ASTN2: variants seen among roughly 807,000 people sequenced by gnomAD.
ASTN2 encodes the protein astrotactin 2, also known as astrotactin-2.
In ASTN2, 54 loss-of-function variants were observed where a neutral mutation model predicts 139.8. The ratio of observed to expected loss-of-function variants is 0.39; its 90% confidence interval spans 0.31 to 0.48. The LOEUF (loss-of-function observed/expected upper bound fraction) is 0.48, where lower values mean the gene tolerates loss of function less well. Among genes scored for constraint, ASTN2 ranks in the 20% least tolerant of loss-of-function variants. ASTN2 has a pLI of 0.95. For missense variants in ASTN2, 1,565 were observed against 1,725.1 expected, an observed-to-expected ratio of 0.91 and a Z score of 1.64; for synonymous variants, 756 against 719.5, an observed-to-expected ratio of 1.05 and a Z score of -0.81.
At chr9:117,128,959 C>A (rs557913038) in intron 4 of ASTN2, among the ~76,000 whole-genome samples, 1 of 152,298 alleles carries the variant, frequency 6.6e-6, no homozygotes, top group East Asian at 1.9e-4. Flanking sequence ...ATGGGGGAAA[C>A]TGCCCCCATG....
At chr9:116,672,683 G>A (rs1339255544) in intron 16 of ASTN2, among the ~76,000 whole-genome samples, 3 of 152,166 alleles carry the variant, frequency 2.0e-5, no homozygotes, top group Non-Finnish European at 1.5e-5. Context: ...TTTTGCAGAG[G>A]AGGGAAGGGA....
chr9:117,131,490 G>T (rs1232658378), intron 4 of ASTN2, among the ~76,000 whole-genome samples: 1 of 152,080 alleles, frequency 6.6e-6, no homozygotes, highest in African/African-American at 2.4e-5. Flanking sequence ...TCTTTTGTGG[G>T]GAAAATTTGC....
chr9:116,499,481 C>T lies in ASTN2; in HGVS notation c.3356-11981G>A, dbSNP rs12342859. Among the ~76,000 whole-genome samples, 1,280 of 152,258 alleles carry T rather than the reference C, an allele frequency of 8.4e-3. 13 individuals are homozygous for T. Among genetic ancestry groups the T allele is most frequent in the African/African-American group, 0.028 (1,167 of 41,544 alleles). ...TGCCTTCACCTGGCAAAGTTTAGGGCCCCTCAACTGAGTTCCCACAGCTCC... is the reference window on the plus strand; with the variant it reads ...TGCCTTCACCTGGCAAAGTTTAGGGTCCCTCAACTGAGTTCCCACAGCTCC... On this transcript the variant is annotated intron_variant, in intron 19 of 22. Transcript: ENST00000313400.
chr9:116,443,324 C>G (rs968642207), intron 20 of ASTN2, among the ~76,000 whole-genome samples: 1 of 152,086 alleles, frequency 6.6e-6, no homozygotes, highest in Non-Finnish European at 1.5e-5. Context: ...AAATGGGCAG[C>G]CAGTGTGGCT....
At chr9:116,870,112 A>G (rs1443464308) in intron 10 of ASTN2, among the ~76,000 whole-genome samples, 1 of 152,158 alleles carries the variant, frequency 6.6e-6, no homozygotes. Context: ...CATGTGACAC[A>G]GTGAGACCCT....
At chr9:117,125,117 GT>G (rs1829655133) in intron 4 of ASTN2, among the ~76,000 whole-genome samples, 1 of 152,192 alleles carries the variant, frequency 6.6e-6, no homozygotes, top group African/African-American at 2.4e-5. Context: ...TTCTAATGGG[GT>G]TTTATAAATA....
At position 117,020,703 on chromosome 9, in the gene ASTN2, T is replaced by A. The variant is rs570463486; in HGVS notation, c.1424-12444A>T. Among the ~76,000 whole-genome samples the A allele has an allele frequency of 1.3e-4, 20 of 152,256 alleles. No homozygotes were observed. The South Asian group carries it at 4.1e-3, about 32-fold the overall frequency. ...AGATTTAGGGCATGCTGGTGTCTCATCTACCTAGGGAGAGAGTGAGTTTTC... is the reference window on the plus strand; with the variant it reads ...AGATTTAGGGCATGCTGGTGTCTCAACTACCTAGGGAGAGAGTGAGTTTTC... On this transcript the variant is annotated intron_variant, in intron 6 of 22. Transcript: ENST00000313400.
At chr9:117,188,373 T>TTGCC (rs1831261543) in intron 3 of ASTN2, among the ~76,000 whole-genome samples, 2 of 152,168 alleles carry the variant, frequency 1.3e-5, no homozygotes, top group Non-Finnish European at 2.9e-5. Context: ...TTTTCCGAAG[T>TTGCC]TGCCTGCGTA....
chr9:116,924,661 A>G (rs998203486), intron 10 of ASTN2, among the ~76,000 whole-genome samples: 13 of 152,286 alleles, frequency 8.5e-5, no homozygotes, highest in Admixed American at 8.5e-4. Context: ...GTAAACAGTC[A>G]TGGTGCTGGT....
chr9:116,635,931 G>C (rs887066444), intron 17 of ASTN2, among the ~76,000 whole-genome samples: 2 of 152,202 alleles, frequency 1.3e-5, no homozygotes, highest in Non-Finnish European at 2.9e-5. Context: ...TGAGAACGGA[G>C]CAAGAAGTTT....
At chr9:116,769,811 G>A (rs1234680065) in intron 13 of ASTN2, among the ~76,000 whole-genome samples, 1 of 152,064 alleles carries the variant, frequency 6.6e-6, no homozygotes, top group Non-Finnish European at 1.5e-5. Context: ...TTGCAAGGTC[G>A]AGGCAGGAGA....
rs1836355011 is a variant in ASTN2 at position 116,976,843 on chromosome 9, CT to C, written c.1592-59del. 4 of 1,505,952 alleles carry C rather than the reference CT, an allele frequency of 2.7e-6. 1 individual carries two copies. In the South Asian group the frequency reaches 4.6e-5, roughly 18 times the overall value. 93.3% of individuals were successfully genotyped at this position (1,505,952 alleles called of 1,614,324 possible). A position where few individuals can be genotyped will look rare whatever the true frequency, so the allele number is the denominator to read the frequency against. ...GTAGAGTCTCCCCAAATAGGCTTTT[CT>C]CTGGTTTGCTTGTTTTCCTAAGACA... On this transcript the variant is annotated intron_variant, in intron 7 of 22. Transcript: ENST00000313400.
chr9:117,278,534 C>T (rs769030426), intron 2 of ASTN2, among the ~76,000 whole-genome samples: 1 of 152,180 alleles, frequency 6.6e-6, no homozygotes, highest in Non-Finnish European at 1.5e-5. Flanking sequence ...ACCCCTTCCC[C>T]CTCTTCATTC....
chr9:116,553,737 A>G (rs991799128), intron 19 of ASTN2, among the ~76,000 whole-genome samples: 1 of 152,210 alleles, frequency 6.6e-6, no homozygotes, highest in Admixed American at 6.5e-5. Context: ...ACACCTAGCC[A>G]CATTGCCAGT....
intron 11 of ASTN2, 56 bp downstream of exon 11, chr9:116,863,527 G>C: frequency 6.3e-7 from 1 of 1,587,390 alleles, no homozygotes; most frequent in Admixed American, 1.7e-5. Flanking sequence ...AGGGCTTCTA[G>C]CAGGTGGCCT....
intron 1 of ASTN2, among the ~76,000 whole-genome samples, chr9:117,388,373 G>A (rs1250351733): frequency 2.0e-5 from 3 of 152,126 alleles, no homozygotes; most frequent in African/African-American, 7.2e-5. Context: ...GGGCTAATGA[G>A]ACTCTCCCAA....
intron 21 of ASTN2, among the ~76,000 whole-genome samples, chr9:116,441,825 G>A (rs1472905043): frequency 6.6e-6 from 1 of 152,178 alleles, no homozygotes. Flanking sequence ...CAATGCTGAA[G>A]AACAAAGTAT....
At chr9:117,299,584 G>C (rs545998193) in intron 1 of ASTN2, among the ~76,000 whole-genome samples, 108 of 152,270 alleles carry the variant, frequency 7.1e-4, no homozygotes, top group Middle Eastern at 3.4e-3. Context: ...GGATACAGTG[G>C]GGGGAACCGG....
intron 2 of ASTN2, among the ~76,000 whole-genome samples, chr9:117,232,183 A>G (rs978352706): frequency 8.5e-5 from 13 of 152,336 alleles, no homozygotes; most frequent in Admixed American, 8.5e-4. Flanking sequence ...TTTAATGGGC[A>G]TCATGAGGGT....
Sources: allele counts gnomAD v4.1 joint callset (sites outside exome capture counted in the v4.1 genomes callset), GRCh38; gene constraint gnomAD v4.1.1; transcripts MANE v1.5; gene names NCBI Gene and HGNC (gene_info 2026-07-23, HGNC 2026-07-21).